The following PLEKHA5 variants were observed in gnomAD, a reference collection of about 807,000 sequenced individuals.
The protein encoded by PLEKHA5 is pleckstrin homology domain containing A5.
PLEKHA5 carries 55 observed loss-of-function variants against 181.9 expected under a neutral mutation model. The ratio of observed to expected loss-of-function variants is 0.30; its 90% confidence interval spans 0.24 to 0.38. The LOEUF is 0.38. Ranked by LOEUF, PLEKHA5 falls within the 10% of genes least tolerant of loss-of-function variation. The pLI is 1.00. For missense variants in PLEKHA5, 1,432 were observed against 1,549.5 expected, an observed-to-expected ratio of 0.92 and a Z score of 1.27; for synonymous variants, 535 against 529.4, an observed-to-expected ratio of 1.01 and a Z score of -0.15.
At chr12:19,186,015 G>A (rs1461334808) in intron 3 of PLEKHA5, among the ~76,000 whole-genome samples, 1 of 152,052 alleles carries the variant, frequency 6.6e-6, no homozygotes, top group Non-Finnish European at 1.5e-5. Context: ...TGTCTCTCTA[G>A]GCTTATAAAT....
intron 3 of PLEKHA5, chr12:19,205,128 T>C (rs1169253572): frequency 3.9e-5 from 6 of 152,152 alleles, no homozygotes; most frequent in Admixed American, 3.9e-4. Flanking sequence ...CAGTTATCAT[T>C]TGGTAGTTCT....
rs1000037910 is a variant in PLEKHA5, at chr12:19,362,736, G to A, written c.3608+1030G>A. 1.1e-4 allele frequency among the ~76,000 whole-genome samples: 16 copies of A among 151,768 alleles called. 1 individual carries two copies. The highest frequency in any genetic ancestry group is 2.4e-4 in the Non-Finnish European group (16 of 67,994). ...GATCACGTTACTACACTCCAGCCTC[G>A]GCAACAGAGCAAGACCCTGTCTCAA... is the stretch of plus-strand genomic sequence containing the variant. On this transcript the variant is annotated intron_variant, in intron 29 of 31. Transcript: ENST00000429027.
At chr12:19,285,527 G>A (rs969869380) in intron 12 of PLEKHA5, among the ~76,000 whole-genome samples, 10 of 152,166 alleles carry the variant, frequency 6.6e-5, no homozygotes, top group East Asian at 5.8e-4. Context: ...TCCCATGACC[G>A]TTTCAGGGAG....
intron 3 of PLEKHA5, among the ~76,000 whole-genome samples, chr12:19,224,334 A>G (rs1249434830): frequency 6.6e-6 from 1 of 152,138 alleles, no homozygotes; most frequent in Non-Finnish European, 1.5e-5. Flanking sequence ...GAGATCCAGG[A>G]ATGATGAAGT....
chr12:19,364,548 C>G (rs2095362795), intron 29 of PLEKHA5, among the ~76,000 whole-genome samples: 1 of 152,016 alleles, frequency 6.6e-6, no homozygotes, highest in Admixed American at 6.6e-5. Flanking sequence ...TTTGCTAGCC[C>G]TAATGCCATA....
At chr12:19,182,204 G>C (rs1297031014) in intron 3 of PLEKHA5, among the ~76,000 whole-genome samples, 1 of 152,076 alleles carries the variant, frequency 6.6e-6, no homozygotes, top group African/African-American at 2.4e-5. Flanking sequence ...TAAGTTTTTT[G>C]TTTGGCCAGA....
chr12:19,336,707 G>A (rs1486840095), intron 21 of PLEKHA5, 91 bp downstream of exon 21: 3 of 685,722 alleles, frequency 4.4e-6, no homozygotes, highest in Non-Finnish European at 7.4e-6. Flanking sequence ...ACCCATAACA[G>A]TTTTTACATT....
intron 6 of PLEKHA5, among the ~76,000 whole-genome samples, chr12:19,260,564 T>C (rs1428589860): frequency 5.9e-5 from 9 of 152,078 alleles, no homozygotes; most frequent in Non-Finnish European, 2.9e-5. Context: ...AAAGTTTAAA[T>C]AAATGCACAA....
At chr12:19,279,228 G>A (rs1457083762) in intron 11 of PLEKHA5, among the ~76,000 whole-genome samples, 1 of 152,006 alleles carries the variant, frequency 6.6e-6, no homozygotes, top group Non-Finnish European at 1.5e-5. Flanking sequence ...TTCATATCGT[G>A]GCAAAATTTA....
chr12:19,280,829 G>A (rs2075943535), intron 11 of PLEKHA5, among the ~76,000 whole-genome samples: 1 of 151,228 alleles, frequency 6.6e-6, no homozygotes, highest in African/African-American at 2.4e-5. Flanking sequence ...TCCTGCCTCA[G>A]CCTCCCGAGT....
chr12:19,366,016 G>T lies in PLEKHA5; in HGVS notation c.3661G>T (p.Glu1221Ter). ...TCATAAACCAGAAGAGCATCCTGAA[G>T]AAAATACAAAGAACAGTGTTGACGA... ...ANHKPEEHPE[E>*]NTKNSVDEQE... The change falls in exon 30 of 32, where the codon GAA (glutamate) becomes TAA (stop). Residue 1221 changes from glutamate to a stop codon, truncating the protein, a stop_gained. Coordinates refer to ENST00000429027, the MANE Select transcript of PLEKHA5 (RefSeq NM_001256470.2). LOFTEE classifies it high-confidence loss of function. 1 of 1,612,136 alleles carries T rather than the reference G, an allele frequency of 6.2e-7. No homozygotes were observed. The highest frequency in any genetic ancestry group is 8.5e-7 in the Non-Finnish European group (1 of 1,178,788).
At chr12:19,239,206 T>C (rs1419821272) in intron 3 of PLEKHA5, among the ~76,000 whole-genome samples, 1 of 152,178 alleles carries the variant, frequency 6.6e-6, no homozygotes, top group Middle Eastern at 3.2e-3. Context: ...ATTGTAGAGA[T>C]TCCATCTTCA....
intron 16 of PLEKHA5, among the ~76,000 whole-genome samples, chr12:19,318,345 A>G (rs142840889): frequency 2.0e-5 from 3 of 152,274 alleles, no homozygotes; most frequent in African/African-American, 7.2e-5. Context: ...TAAAGGATAT[A>G]TCGCTCTAAA....
intron 3 of PLEKHA5, chr12:19,207,590 G>A (rs1487108402): frequency 6.6e-6 from 1 of 152,082 alleles, no homozygotes; most frequent in Non-Finnish European, 1.5e-5. Context: ...GGGTTTTGTG[G>A]TCAAGTACGT....
intron 3 of PLEKHA5, among the ~76,000 whole-genome samples, chr12:19,144,076 G>A (rs1200729772): frequency 1.3e-5 from 2 of 152,172 alleles, no homozygotes; most frequent in Non-Finnish European, 2.9e-5. Context: ...AAGAATGTAT[G>A]AAAGTGCCTT....
chr12:19,182,282 C>G (rs138770830), intron 3 of PLEKHA5, among the ~76,000 whole-genome samples: 1 of 152,046 alleles, frequency 6.6e-6, no homozygotes, highest in African/African-American at 2.4e-5. Flanking sequence ...CGCATCCAAG[C>G]GATTTCTTTC....
chr12:19,272,938 G>A (rs1203954820), intron 10 of PLEKHA5, among the ~76,000 whole-genome samples: 1 of 152,024 alleles, frequency 6.6e-6, no homozygotes, highest in Non-Finnish European at 1.5e-5. Flanking sequence ...ATGGAGTCTC[G>A]CTCTGTCGCC....
intron 15 of PLEKHA5, among the ~76,000 whole-genome samples, chr12:19,309,812 T>C (rs1174469807): frequency 6.6e-6 from 1 of 152,178 alleles, no homozygotes; most frequent in Non-Finnish European, 1.5e-5. Context: ...AGTAGTATTC[T>C]TAGGCACACA....
intron 26 of PLEKHA5, among the ~76,000 whole-genome samples, 192 bp downstream of exon 26, chr12:19,354,194 C>G (rs1297985712): frequency 4.3e-5 from 5 of 115,942 alleles, no homozygotes; most frequent in African/African-American, 1.5e-4. Flanking sequence ...CTCTGTCGCC[C>G]AGGCTGGAGT....
Sources: gnomAD v4.1 joint callset for allele counts (sites outside exome capture counted in the v4.1 genomes callset) on GRCh38, gnomAD v4.1.1 for gene constraint, MANE v1.5 for transcripts, NCBI Gene and HGNC (gene_info 2026-07-23, HGNC 2026-07-21) for gene names.